LYPD1: variants seen among roughly 807,000 people sequenced by gnomAD.
LYPD1 encodes ly6/PLAUR domain-containing protein 1.
In LYPD1, 14 loss-of-function variants were observed where a neutral mutation model predicts 14.2. That is an observed-to-expected ratio of 0.99 (90% CI 0.65 to 1.54). LYPD1 has a LOEUF of 1.54. LYPD1 is among the 40% of genes most tolerant of loss of function. The pLI is 0.00. For missense variants in LYPD1, 165 were observed against 175.7 expected, an observed-to-expected ratio of 0.94 and a Z score of 0.34; for synonymous variants, 85 against 70.6, an observed-to-expected ratio of 1.20 and a Z score of -1.02.
chr2:132,656,287 TC>T (rs1682593059), intron 2 of LYPD1, among the ~76,000 whole-genome samples: 2 of 152,228 alleles, frequency 1.3e-5, no homozygotes, highest in South Asian at 4.1e-4. Context: ...GACGAACTTT[TC>T]CAGCAAACTG....
At chr2:132,647,974 G>C (rs573935036) in intron 2 of LYPD1, among the ~76,000 whole-genome samples, 1 of 152,250 alleles carries the variant, frequency 6.6e-6, no homozygotes, top group South Asian at 2.1e-4. Context: ...CCCTCTAACT[G>C]CATGTTTGTA....
At chr2:132,653,705 A>G (rs1682438545) in intron 2 of LYPD1, among the ~76,000 whole-genome samples, 1 of 152,182 alleles carries the variant, frequency 6.6e-6, no homozygotes, top group South Asian at 2.1e-4. Context: ...CAGTGGAAAA[A>G]CCCAGCAGAT....
intron 2 of LYPD1, among the ~76,000 whole-genome samples, chr2:132,649,610 C>T (rs1238910350): frequency 6.6e-6 from 1 of 152,070 alleles, no homozygotes; most frequent in Non-Finnish European, 1.5e-5. Flanking sequence ...GAGGTTTAGG[C>T]ACGAATGGCT....
Position 132,644,158 on chromosome 2 carries a change from C to T in LYPD1, c.*1887G>A, listed in dbSNP as rs1681934786. On this transcript the variant is annotated 3_prime_UTR_variant, in exon 3 of 3. Coordinates refer to ENST00000397463, the MANE Select transcript of LYPD1 (RefSeq NM_144586.7). ...ACCTGTGATTTCAGTTGTTTGTGGT[C>T]TATGTAGCATCTTTATCTCTGTCAG... Among the ~76,000 whole-genome samples, 1 of 152,180 alleles carries T rather than the reference C, an allele frequency of 6.6e-6. No individual in the cohort carries two copies. The highest frequency in any genetic ancestry group is 2.4e-5 in the African/African-American group (1 of 41,452).
chr2:132,659,283 A>T (rs1682790782), intron 2 of LYPD1, among the ~76,000 whole-genome samples: 1 of 152,180 alleles, frequency 6.6e-6, no homozygotes, highest in Non-Finnish European at 1.5e-5. Flanking sequence ...GTCAGCAAAT[A>T]GTTATTGCGT....
rs1256537363 is a variant in LYPD1, at chr2:132,644,051, AAG to A, written c.*1992_*1993del. Among the ~76,000 whole-genome samples the A allele has an allele frequency of 2.0e-5, 3 of 152,158 alleles. No homozygotes were observed. The highest frequency in any genetic ancestry group is 2.1e-4 in the South Asian group (1 of 4,824). ...TGTGGGTGTCTTGGCTCCTTACGAA[AAG>A]AGAGAGCAAATGCTTCACAGATCCC... On this transcript the variant is annotated 3_prime_UTR_variant, in exon 3 of 3. Coordinates refer to ENST00000397463, the MANE Select transcript of LYPD1 (RefSeq NM_144586.7).
intron 2 of LYPD1, among the ~76,000 whole-genome samples, chr2:132,649,252 T>TA (rs1218014696): frequency 2.0e-5 from 3 of 152,200 alleles, no homozygotes; most frequent in Admixed American, 1.3e-4. Context: ...AAAGGCATTT[T>TA]ACTCATCTTT....
At chr2:132,646,589 G>A (rs1469595675) in intron 2 of LYPD1, 2 of 265,074 alleles carry the variant, frequency 7.5e-6, no homozygotes. Flanking sequence ...TTCACACTGT[G>A]TACAAGACAC....
Position 132,648,450 on chromosome 2 carries a change from C to T in LYPD1, c.191-2170G>A, listed in dbSNP as rs566888738. Reference sequence around the variant, plus strand: ...TTCTGTACATTTACATATATGCCCACAGAGAAATAAAGTCCGTGTGTTTGC... The same window carrying T: ...TTCTGTACATTTACATATATGCCCATAGAGAAATAAAGTCCGTGTGTTTGC... On this transcript the variant is annotated intron_variant, in intron 2 of 2. Transcript: ENST00000397463. 2.2e-3 allele frequency among the ~76,000 whole-genome samples: 329 copies of T among 151,750 alleles called. 2 individuals are homozygous for T. Among genetic ancestry groups the T allele is most frequent in the African/African-American group, 7.8e-3 (322 of 41,182 alleles).
At chr2:132,646,429 C>T (rs1340260747) in intron 2 of LYPD1, 149 bp from the exon 3 acceptor site, 1 of 429,566 alleles carries the variant, frequency 2.3e-6, no homozygotes, top group Non-Finnish European at 4.1e-6. Context: ...CGGATTGTCT[C>T]ATTGATATTC....
chr2:132,670,216 G>A, upstream of LYPD1: 2 of 934,284 alleles, frequency 2.1e-6, no homozygotes, highest in Non-Finnish European at 1.4e-6. This position sits in a 1 kb window ranked among gnomAD's most constrained non-coding sequence, Gnocchi z 4.5. Flanking sequence ...AACTACTGGC[G>A]ATCGGGAGCA....
intron 2 of LYPD1, chr2:132,666,961 T>G (rs1304994353): frequency 6.6e-6 from 1 of 152,198 alleles, no homozygotes; most frequent in Non-Finnish European, 1.5e-5. Context: ...CTGCAAATAT[T>G]TGAAAGTAAC....
At chr2:132,667,617 T>C (rs561537770) in intron 2 of LYPD1, among the ~76,000 whole-genome samples, 7 of 152,330 alleles carry the variant, frequency 4.6e-5, no homozygotes, top group African/African-American at 1.7e-4. Context: ...GTGTTTATGG[T>C]TTTGACCTTG....
At chr2:132,654,467 C>A (rs1682478670) in intron 2 of LYPD1, among the ~76,000 whole-genome samples, 1 of 151,972 alleles carries the variant, frequency 6.6e-6, no homozygotes, top group Non-Finnish European at 1.5e-5. Context: ...CTACACGTAC[C>A]CCCAACAAAT....
chr2:132,670,564 C>T (rs1683643613), upstream of LYPD1, among the ~76,000 whole-genome samples: 1 of 152,152 alleles, frequency 6.6e-6, no homozygotes, highest in Non-Finnish European at 1.5e-5. This position sits in a 1 kb window ranked among gnomAD's most constrained non-coding sequence, Gnocchi z 4.5. Flanking sequence ...CACTCCACGT[C>T]CTCTGCGCCT....
intron 2 of LYPD1, among the ~76,000 whole-genome samples, chr2:132,651,576 T>C (rs1251746415): frequency 6.6e-6 from 1 of 152,228 alleles, no homozygotes; most frequent in Non-Finnish European, 1.5e-5. Flanking sequence ...TTCCTCACCA[T>C]GTACCTTCAA....
rs906246888 is a variant in LYPD1, at chr2:132,645,858, C to T, written c.*187G>A. The T allele has an allele frequency of 2.8e-5, 19 of 668,962 alleles. No homozygotes were observed. The highest frequency in any genetic ancestry group is 3.7e-5 in the Non-Finnish European group (15 of 405,686). The allele number at this position is 668,962 out of a possible 1,614,324, so 41.4% of individuals were successfully genotyped here. ...TTCAAGTACATACTGAAAATTCAGT[C>T]AGGCTGAATTTATTCAGAATGCTTT... On this transcript the variant is annotated 3_prime_UTR_variant, in exon 3 of 3. Transcript: ENST00000397463.
At chr2:132,654,938 C>T (rs553768526) in intron 2 of LYPD1, among the ~76,000 whole-genome samples, 109 of 151,906 alleles carry the variant, frequency 7.2e-4, no homozygotes, top group African/African-American at 2.0e-3. Flanking sequence ...TTAGTAGAGA[C>T]GGGGTTTCAC....
At chr2:132,662,335 C>T (rs886914344) in intron 2 of LYPD1, among the ~76,000 whole-genome samples, 2 of 152,160 alleles carry the variant, frequency 1.3e-5, no homozygotes, top group East Asian at 3.9e-4. Context: ...AACAGTCAGC[C>T]TGTTTCTACA....
Sources: allele counts gnomAD v4.1 joint callset (sites outside exome capture counted in the v4.1 genomes callset), GRCh38; gene constraint gnomAD v4.1.1; non-coding constraint Gnocchi (gnomAD v3.1); transcripts MANE v1.5; gene names NCBI Gene and HGNC (gene_info 2026-07-23, HGNC 2026-07-21).